The following DACH2 variants were observed in gnomAD, a reference collection of about 807,000 sequenced individuals.
DACH2 encodes the protein dachshund family transcription factor 2, also known as dachshund homolog 2.
Under a neutral mutation model 35.8 loss-of-function variants are expected in DACH2, and 17 were observed. That is an observed-to-expected ratio of 0.48 (90% CI 0.33 to 0.71). The LOEUF is 0.71. Ranked by LOEUF, DACH2 falls within the 30% of genes least tolerant of loss-of-function variation. The pLI, the probability that DACH2 is intolerant of heterozygous loss-of-function variation, is 0.02. For synonymous variants in DACH2, 195 were observed against 177.3 expected (o/e 1.10, Z -0.79); for missense variants, 469 against 472.7 (o/e 0.99, Z 0.07).
intron 6 of DACH2, among the ~76,000 whole-genome samples, chrX:86,736,170 C>T (rs761740918): frequency 1.8e-5 from 2 of 110,693 alleles, no homozygotes; most frequent in South Asian, 7.6e-4. Context: ...AAAAAAAACA[C>T]AACACCTAAT....
chrX:86,214,235 C>A (rs982111713), intron 1 of DACH2, among the ~76,000 whole-genome samples: 1 of 111,556 alleles, frequency 9.0e-6, no homozygotes, highest in Non-Finnish European at 1.9e-5. Flanking sequence ...TGATGTTATT[C>A]TCCTTAAGAA....
chrX:86,504,229 C>T (rs763835677), intron 2 of DACH2, among the ~76,000 whole-genome samples: 3 of 110,463 alleles, frequency 2.7e-5, no homozygotes, highest in Non-Finnish European at 3.8e-5. Flanking sequence ...TCAAGTTTCT[C>T]GGGGCCACAA....
At chrX:86,823,624 CA>C (rs1341921518) in intron 11 of DACH2, among the ~76,000 whole-genome samples, 1 of 111,893 alleles carries the variant, frequency 8.9e-6, no homozygotes, top group African/African-American at 3.3e-5. Context: ...CTTTCACTAT[CA>C]GGGGAACCCG....
intron 2 of DACH2, among the ~76,000 whole-genome samples, chrX:86,485,943 G>T (rs915558829): frequency 1.8e-5 from 2 of 111,815 alleles, no homozygotes; most frequent in African/African-American, 6.5e-5. Flanking sequence ...TGCCAGCTCT[G>T]ACACTACCTG....
chrX:86,648,575 A>C (rs2040440809), intron 3 of DACH2, among the ~76,000 whole-genome samples: 1 of 111,001 alleles, frequency 9.0e-6, no homozygotes, highest in Non-Finnish European at 1.9e-5. Context: ...GTATAGTTTT[A>C]TCTGAAGACA....
intron 2 of DACH2, among the ~76,000 whole-genome samples, chrX:86,453,077 C>T (rs1313410291): frequency 1.8e-5 from 2 of 111,392 alleles, no homozygotes; most frequent in African/African-American, 3.3e-5. Flanking sequence ...ATTATTTACC[C>T]CAGAGTCATT....
intron 3 of DACH2, among the ~76,000 whole-genome samples, chrX:86,618,616 A>C (rs2040034871): frequency 8.9e-6 from 1 of 112,284 alleles, no homozygotes; most frequent in East Asian, 2.8e-4. Flanking sequence ...ATAGATGTAA[A>C]CTATTATTAA....
chrX:86,251,747 G>A (rs1483885718), intron 1 of DACH2, among the ~76,000 whole-genome samples: 2 of 111,541 alleles, frequency 1.8e-5, no homozygotes. Flanking sequence ...TTGATTGATG[G>A]GCATTTGGGC....
At chrX:86,243,190 T>C (rs981725022) in intron 1 of DACH2, among the ~76,000 whole-genome samples, 8 of 110,395 alleles carry the variant, frequency 7.2e-5, no homozygotes, top group Non-Finnish European at 1.3e-4. Flanking sequence ...TGGTAGAAAA[T>C]GGGGAGATAA....
At chrX:86,214,572 A>G (rs1379590883) in intron 1 of DACH2, among the ~76,000 whole-genome samples, 2 of 111,963 alleles carry the variant, frequency 1.8e-5, no homozygotes, top group African/African-American at 6.5e-5. Flanking sequence ...ATACTGCTTA[A>G]ACAGTGTTCT....
chrX:86,358,815 C>T (rs1247657408), intron 1 of DACH2, among the ~76,000 whole-genome samples: 2 of 111,908 alleles, frequency 1.8e-5, no homozygotes, highest in African/African-American at 6.5e-5. Context: ...ATCTGATGCA[C>T]TTTCCATACA....
intron 1 of DACH2, among the ~76,000 whole-genome samples, chrX:86,234,456 C>A (rs2033014546): frequency 9.0e-6 from 1 of 110,988 alleles, no homozygotes; most frequent in South Asian, 3.8e-4. Flanking sequence ...TTTTTATAGA[C>A]TTATTTTTAG....
At chrX:86,370,479 A>G (rs1026002433) in intron 1 of DACH2, among the ~76,000 whole-genome samples, 7 of 111,644 alleles carry the variant, frequency 6.3e-5, no homozygotes, top group African/African-American at 2.3e-4. Context: ...CATCGACTGG[A>G]AGACATGAAA....
At chrX:86,171,200 A>G (rs1275553123) in intron 1 of DACH2, among the ~76,000 whole-genome samples, 3 of 104,660 alleles carry the variant, frequency 2.9e-5, no homozygotes, top group Non-Finnish European at 6.0e-5. Context: ...GGTATTCTAA[A>G]TGCAAGACAA....
At position 86,156,130 on chromosome X, in the gene DACH2, A is replaced by T. The variant is rs377089057; in HGVS notation, c.488+7022A>T. 1.4e-4 allele frequency among the ~76,000 whole-genome samples: 16 copies of T among 111,342 alleles called. No homozygotes were observed. In the South Asian group the frequency reaches 5.9e-3, roughly 41 times the overall value. On this transcript the variant is annotated intron_variant, in intron 1 of 11. Transcript: ENST00000373125. Reference sequence around the variant, plus strand: ...AAGTAACACAAATTGTTTTATGCAAAATTGAATATGTTTTAAGAAAAAGAT... The same window carrying T: ...AAGTAACACAAATTGTTTTATGCAATATTGAATATGTTTTAAGAAAAAGAT...
chrX:86,454,296 CA>C (rs1254444545), intron 2 of DACH2, among the ~76,000 whole-genome samples: 1 of 111,090 alleles, frequency 9.0e-6, no homozygotes, highest in East Asian at 2.8e-4. Context: ...GGGTTTCCCA[CA>C]GTTCCTGAAT....
intron 2 of DACH2, among the ~76,000 whole-genome samples, chrX:86,436,475 C>T (rs2037070053): frequency 9.1e-6 from 1 of 110,444 alleles, no homozygotes; most frequent in Non-Finnish European, 1.9e-5. Flanking sequence ...ACTGTGTTAA[C>T]TGGTTTTCAC....
At chrX:86,698,514 G>GTTTTT (rs1345238527) in intron 5 of DACH2, among the ~76,000 whole-genome samples, 76 of 34,314 alleles carry the variant, frequency 2.2e-3, no homozygotes, top group Non-Finnish European at 3.1e-3. Flanking sequence ...TGTTTTGTTA[G>GTTTTT]TTTTGTGTTT....
intron 3 of DACH2, among the ~76,000 whole-genome samples, chrX:86,555,828 T>C (rs1330349852): frequency 9.0e-6 from 1 of 111,629 alleles, no homozygotes; most frequent in Non-Finnish European, 1.9e-5. Flanking sequence ...TGTCCATCCC[T>C]CTGGATTTTA....
Sources: allele counts gnomAD v4.1 joint callset (sites outside exome capture counted in the v4.1 genomes callset), GRCh38; gene constraint gnomAD v4.1.1; transcripts MANE v1.5; gene names NCBI Gene and HGNC (gene_info 2026-07-23, HGNC 2026-07-21).